VRK3: variants seen among roughly 807,000 people sequenced by gnomAD.
VRK3 encodes serine/threonine-protein kinase VRK3.
In VRK3, 50 loss-of-function variants were observed where a neutral mutation model predicts 60.4. The ratio of observed to expected loss-of-function variants is 0.83; its 90% CI spans 0.66 to 1.05. The LOEUF is 1.05. Among genes scored for constraint, VRK3 ranks in the 50% least tolerant of loss-of-function variants. VRK3 has a pLI of 0.00. For synonymous variants in VRK3, 246 were observed against 227.8 expected (o/e 1.08, Z -0.72); for missense variants, 549 against 585.3 (o/e 0.94, Z 0.64).
In VRK3 at chr19:49,994,932, A is replaced by G. The variant is rs1204922992; in HGVS notation, c.765-13T>C. ...TAACACCAAGAACCTGGAAGACACA[A>G]GCACCCCAGGAGGTGGGAGATGAAC... On this transcript the variant is annotated splice_polypyrimidine_tract_variant and intron_variant, in intron 8 of 14. Transcript: ENST00000316763. The G allele has an allele frequency of 6.2e-7, 1 of 1,612,258 alleles. No individual in the cohort carries two copies. Among genetic ancestry groups the G allele is most frequent in the East Asian group, 2.2e-5 (1 of 44,864 alleles).
chr19:49,989,672 C>G lies in VRK3; in HGVS notation c.1063G>C (p.Glu355Gln). 2 of 1,613,780 alleles carry G rather than the reference C, an allele frequency of 1.2e-6. No homozygotes were observed. The highest frequency in any genetic ancestry group is 1.1e-5 in the South Asian group (1 of 90,966). The change falls in exon 11 of 15, where the codon GAG (glutamate) becomes CAG (glutamine). Residue 355 changes from glutamate to glutamine, a missense_variant. Coordinates refer to ENST00000316763, the MANE Select transcript of VRK3 (RefSeq NM_016440.4). Reference protein sequence around the residue: ...GSRSPHEGDLEFISMDLHKGC... With the variant: ...GSRSPHEGDLQFISMDLHKGC... The stretch of plus-strand genomic sequence containing the variant: ...TTGTGCAGGTCCATGCTAATGAACT[C>G]AAGGTCCCCCTCGTGAGGGCTCCTG...
chr19:49,977,235 G>A (rs1198425918), intron 14 of VRK3, among the ~76,000 whole-genome samples: 1 of 152,018 alleles, frequency 6.6e-6, no homozygotes, highest in African/African-American at 2.4e-5. Context: ...GGTGCATCGT[G>A]CACGGGGGAG....
At chr19:50,011,046 G>A (rs2076986975) in intron 3 of VRK3, among the ~76,000 whole-genome samples, 1 of 152,186 alleles carries the variant, frequency 6.6e-6, no homozygotes, top group Non-Finnish European at 1.5e-5. Flanking sequence ...AATTGCTTTT[G>A]TTGTAGTTCA....
intron 1 of VRK3, among the ~76,000 whole-genome samples, chr19:50,022,443 A>T (rs1290540377): frequency 6.6e-6 from 1 of 152,184 alleles, no homozygotes; most frequent in Non-Finnish European, 1.5e-5. Flanking sequence ...CAGTAGCTTG[A>T]CGGATCCACT....
Position 49,992,955 on chromosome 19 carries a change from G to T in VRK3, c.871-3C>A. On this transcript the variant is annotated splice_polypyrimidine_tract_variant and splice_region_variant and intron_variant, in intron 9 of 14. Coordinates refer to ENST00000316763, the MANE Select transcript of VRK3 (RefSeq NM_016440.4). ...TGGAGGAACTCCAGGGCATCCAGCT[G>T]GGGGAAGAAGCAAGTCAGTGTCTGC... is the stretch of plus-strand genomic sequence containing the variant. 6.2e-7 allele frequency: 1 copy of T among 1,610,722 alleles called. No homozygotes were observed.
intron 3 of VRK3, among the ~76,000 whole-genome samples, chr19:50,015,189 G>A (rs1168072249): frequency 1.3e-5 from 2 of 152,054 alleles, no homozygotes; most frequent in African/African-American, 4.8e-5. Flanking sequence ...ATGTGACCAG[G>A]ACATCCAACA....
At chr19:50,007,899 C>T (rs3786676) in intron 4 of VRK3, 73 bp from the exon 5 acceptor site, 204,339 of 1,583,152 alleles carry the variant, frequency 0.13, 14,653 homozygotes, top group East Asian at 0.33. Flanking sequence ...TGAAACAGCA[C>T]GCAAAATACT....
At chr19:49,993,857 T>C (rs2076654747) in intron 9 of VRK3, among the ~76,000 whole-genome samples, 1 of 152,104 alleles carries the variant, frequency 6.6e-6, no homozygotes, top group Non-Finnish European at 1.5e-5. Flanking sequence ...AGCCTTGTCC[T>C]CTCCCACATG....
Position 50,000,955 on chromosome 19 carries a change from G to T in VRK3, c.548-101C>A, listed in dbSNP as rs1600690668. 17 of 1,146,720 alleles carry T rather than the reference G, an allele frequency of 1.5e-5. No homozygotes were observed. In the East Asian group the frequency reaches 4.1e-4, roughly 28 times the overall value. The allele number at this position is 1,146,720 out of a possible 1,614,324, so 71.0% of individuals were successfully genotyped here. A position where few individuals can be genotyped will look rare whatever the true frequency, so the allele number is the denominator to read the frequency against. On this transcript the variant is annotated intron_variant, in intron 5 of 14. Coordinates refer to ENST00000316763, the MANE Select transcript of VRK3 (RefSeq NM_016440.4). Reference sequence around the variant, plus strand: ...AATGAGAAGCGGCTCTGGTGCCCTGGTTCCAACAAGGTCAAGCGCACTCTT... The same window carrying T: ...AATGAGAAGCGGCTCTGGTGCCCTGTTTCCAACAAGGTCAAGCGCACTCTT...
At chr19:49,982,167 T>C in intron 12 of VRK3, 1 of 702,978 alleles carries the variant, frequency 1.4e-6, no homozygotes, top group Non-Finnish European at 2.6e-6. Flanking sequence ...CCAGCTTACA[T>C]TAAAATGAAT....
At chr19:50,019,653 G>T (rs921466242) in intron 2 of VRK3, among the ~76,000 whole-genome samples, 3 of 132,506 alleles carry the variant, frequency 2.3e-5, no homozygotes, top group Admixed American at 1.6e-4. Context: ...GGGACTACAG[G>T]CATGTGCCAC....
chr19:49,994,399 C>A (rs980902773), intron 9 of VRK3, among the ~76,000 whole-genome samples: 1 of 152,238 alleles, frequency 6.6e-6, no homozygotes, highest in Admixed American at 6.5e-5. Context: ...AATGAATGAA[C>A]TAATGAACAA....
chr19:50,016,028 G>T lies in VRK3; in HGVS notation c.135C>A (p.Phe45Leu), dbSNP rs8103900. 6 of 1,614,138 alleles carry T rather than the reference G, an allele frequency of 3.7e-6. No homozygotes were observed. The East Asian group carries it at 8.9e-5, about 24-fold the overall frequency. Residue 45 changes from phenylalanine to leucine, a missense_variant, in exon 3 of 15, where the codon TTC becomes TTA. Transcript: ENST00000316763. ...QTFVNPHVSS[F>L]QGSKRGLNSS... ...GCTCAATGCTCTGGTTCTTACCTTG[G>T]AAGGATGACACATGTGGATTGACAA...
intron 14 of VRK3, among the ~76,000 whole-genome samples, chr19:49,976,986 C>A (rs573669227): frequency 1.3e-5 from 2 of 152,270 alleles, no homozygotes; most frequent in Middle Eastern, 3.4e-3. Context: ...ACTAAACACA[C>A]GCTTCCCTCC....
rs368230198 is a variant in VRK3, at chr19:50,000,794, T to C, written c.608A>G (p.Lys203Arg). 30 of 1,613,142 alleles carry C rather than the reference T, an allele frequency of 1.9e-5. No individual in the cohort carries two copies. The highest frequency in any genetic ancestry group is 5.3e-5 in the African/African-American group (4 of 74,914). The change falls in exon 6 of 15, where the codon AAA becomes AGA. Residue 203 changes from lysine to arginine, a missense_variant. Lys to Arg is a conservative substitution (Grantham distance 26). Coordinates refer to ENST00000316763, the MANE Select transcript of VRK3 (RefSeq NM_016440.4). ...CCCACCTGCAGGGTCACTTACCAGT[T>C]TGAGTGAGAACTTTTGCTTCTGTGG... ...SGPQKQKFSLKLDAKDGRLFN... is the reference protein window; with the variant it reads ...SGPQKQKFSLRLDAKDGRLFN...
At position 50,006,466 on chromosome 19, in the gene VRK3, C is replaced by G. The variant is rs534408349; in HGVS notation, c.547+1103G>C. On this transcript the variant is annotated intron_variant, in intron 5 of 14. Transcript: ENST00000316763. ...CCTCGGCTCACTGCAAGCTCTGCCT[C>G]CCGGGTTCACGCCATTCTCCTGCCT... Among the ~76,000 whole-genome samples, 13 of 151,468 alleles carry G rather than the reference C, an allele frequency of 8.6e-5. No individual in the cohort carries two copies. In the East Asian group the frequency reaches 2.4e-3, roughly 27 times the overall value.
chr19:50,000,349 T>C (rs895776604), intron 6 of VRK3: 6 of 179,176 alleles, frequency 3.3e-5, no homozygotes, highest in African/African-American at 9.6e-5. Context: ...CGATGTGTGA[T>C]TTCACTGAAT....
intron 6 of VRK3, chr19:50,000,446 C>T (rs972414027): frequency 5.4e-5 from 19 of 349,732 alleles, no homozygotes; most frequent in African/African-American, 2.4e-4. Flanking sequence ...GATACGAGCA[C>T]GCTGCGAGGC....
At chr19:50,004,407 T>G (rs1328145228) in intron 5 of VRK3, among the ~76,000 whole-genome samples, 1 of 152,118 alleles carries the variant, frequency 6.6e-6, no homozygotes, top group Non-Finnish European at 1.5e-5. Flanking sequence ...TGATCCCTTC[T>G]CGCTCTTTCT....
Sources: allele counts gnomAD v4.1 joint callset (sites outside exome capture counted in the v4.1 genomes callset), GRCh38; gene constraint gnomAD v4.1.1; transcripts MANE v1.5; gene names NCBI Gene and HGNC (gene_info 2026-07-23, HGNC 2026-07-21).